MACF1: variants seen among roughly 807,000 people sequenced by gnomAD.
MACF1 encodes microtubule-actin cross-linking factor 1.
A neutral mutation model predicts 854.8 loss-of-function variants in MACF1; 193 were observed. The ratio of observed to expected loss-of-function variants is 0.23; its 90% CI spans 0.20 to 0.25. The LOEUF is 0.25. MACF1 is among the 10% of genes least tolerant of loss of function. The pLI is 1.00. For missense variants in MACF1, 7,722 were observed against 8,929.1 expected (o/e 0.86, Z 5.45); for synonymous variants, 3,185 against 3,226.7 (o/e 0.99, Z 0.44).
chr1:39,113,454 C>T (rs1209792447), intron 2 of MACF1, among the ~76,000 whole-genome samples: 1 of 152,170 alleles, frequency 6.6e-6, no homozygotes, highest in Non-Finnish European at 1.5e-5. Flanking sequence ...ATAAAAATCA[C>T]TATGGAAATT....
chr1:39,454,661 A>G (rs1186524788), intron 88 of MACF1, among the ~76,000 whole-genome samples: 1 of 152,088 alleles, frequency 6.6e-6, no homozygotes, highest in East Asian at 1.9e-4. Context: ...TTAGCTGGGT[A>G]TGGTGGCACA....
In MACF1 at chr1:39,319,669, A is replaced by G; in HGVS notation, c.3951A>G (p.Leu1317=). The G allele has an allele frequency of 2.5e-6, 4 of 1,612,914 alleles. No homozygotes were observed. Among genetic ancestry groups the G allele is most frequent in the Non-Finnish European group, 3.4e-6 (4 of 1,179,124 alleles). The part of the protein sequence containing the change: ...LSEQLSQQTA[L]FAEIERNQTK... ...TGTGATATTTTGCTTCCTAGGCCCT[A>G]TTTGCAGAAATTGAGAGAAATCAGA... The change falls in exon 31 of 101, where the codon CTA becomes CTG. Residue 1317 remains leucine, a synonymous_variant. Transcript: ENST00000564288.
chr1:39,414,612 C>A, intron 58 of MACF1: 1 of 1,346,648 alleles, frequency 7.4e-7, no homozygotes, highest in Non-Finnish European at 1.0e-6. Context: ...AGTTTGTAGT[C>A]TTTCTGTTCA....
rs1643571852 is a variant in MACF1 at position 39,422,290 on chromosome 1, T to A, written c.15817-84T>A. The A allele has an allele frequency of 1.0e-5, 11 of 1,049,938 alleles. No homozygotes were observed. In the South Asian group the frequency reaches 1.8e-4, roughly 17 times the overall value. The allele number at this position is 1,049,938 out of a possible 1,614,324, so 65.0% of individuals were successfully genotyped here. A position where few individuals can be genotyped will look rare whatever the true frequency, so the allele number is the denominator to read the frequency against. On this transcript the variant is annotated intron_variant, in intron 58 of 100. Transcript: ENST00000564288. The stretch of plus-strand genomic sequence containing the variant: ...TGGTCGTCTTTCATTAAGTCATAAA[T>A]GCCCCAAGAATAACCAGTCTCTGCG...
chr1:39,380,492 AT>A (rs1650082974), intron 55 of MACF1, 119 bp downstream of exon 55: 6 of 1,041,000 alleles, frequency 5.8e-6, no homozygotes, highest in Non-Finnish European at 8.1e-6. Flanking sequence ...TAAATAAGCA[AT>A]TAGGATCCAG....
In MACF1 at chr1:39,146,806, A is replaced by G. The variant is rs6680917; in HGVS notation, c.220+62368A>G. Among the ~76,000 whole-genome samples the G allele has an allele frequency of 9.2e-3, 1,405 of 152,326 alleles. 28 individuals are homozygous for G. The highest frequency in any genetic ancestry group is 0.032 in the African/African-American group (1,333 of 41,560). On this transcript the variant is annotated intron_variant, in intron 2 of 93. Coordinates refer to the MACF1 transcript ENST00000361689. The stretch of plus-strand genomic sequence containing the variant: ...GCTAGCACAACAAGGTGACTATAGT[A>G]AAAATAATTTAATTATTCATTTAAA...
intron 97 of MACF1, among the ~76,000 whole-genome samples, chr1:39,478,252 C>T (rs553622418): frequency 1.3e-5 from 2 of 152,252 alleles, no homozygotes; most frequent in East Asian, 1.9e-4. Context: ...ATCTACCTGC[C>T]TTGGCCTCCC....
chr1:39,099,659 T>C (rs1642017983), intron 2 of MACF1, among the ~76,000 whole-genome samples: 1 of 152,228 alleles, frequency 6.6e-6, no homozygotes. Flanking sequence ...AGTTGGATTC[T>C]CAATTGTCTT....
In MACF1 at chr1:39,335,617, A is replaced by T. The variant is rs752902071; in HGVS notation, c.9029A>T (p.Asp3010Val). 3 of 1,614,120 alleles carry T rather than the reference A, an allele frequency of 1.9e-6. No homozygotes were observed. The South Asian group carries it at 3.3e-5, about 18-fold the overall frequency. ...GAAACTGCCATTAGAGATGAGCATGACTCCCATATAAAGAGCCAACCTAGG... is the reference window on the plus strand; with the variant it reads ...GAAACTGCCATTAGAGATGAGCATGTCTCCCATATAAAGAGCCAACCTAGG... ...YQETAIRDEH[D>V]SHIKSQPREM... Residue 3010 changes from aspartate to valine, a missense_variant, in exon 37 of 101, where the codon GAC (aspartate) becomes GTC (valine). Asp to Val is a radical substitution (Grantham distance 152, BLOSUM62 -3). Transcript: ENST00000564288.
intron 2 of MACF1, among the ~76,000 whole-genome samples, chr1:39,088,432 C>A (rs1641730086): frequency 6.6e-6 from 1 of 152,206 alleles, no homozygotes; most frequent in Admixed American, 6.5e-5. Context: ...ACCTGGCAAC[C>A]AGCCCAGTCT....
chr1:39,291,197 G>A (rs1013721587), intron 15 of MACF1, among the ~76,000 whole-genome samples: 5 of 151,874 alleles, frequency 3.3e-5, no homozygotes, highest in Admixed American at 6.6e-5. Flanking sequence ...GGCTGGTCTC[G>A]AACTCCTGAC....
At chr1:39,384,536 C>T (rs1208168420) in intron 56 of MACF1, among the ~76,000 whole-genome samples, 1 of 152,088 alleles carries the variant, frequency 6.6e-6, no homozygotes, top group Non-Finnish European at 1.5e-5. Flanking sequence ...AGGATTTGAA[C>T]ACAGGCAGTC....
chr1:39,358,868 A>G lies in MACF1; in HGVS notation c.12115A>G (p.Thr4039Ala), dbSNP rs755091192. The G allele has an allele frequency of 3.7e-6, 6 of 1,607,958 alleles. No individual in the cohort carries two copies. In the Admixed American group the frequency reaches 8.7e-5, roughly 23 times the overall value. The change falls in exon 46 of 101, where the codon ACA becomes GCA. Residue 4039 changes from threonine to alanine, a missense_variant. Thr to Ala is a moderately conservative substitution (Grantham distance 58, BLOSUM62 0). Transcript: ENST00000564288. ...AGTTCTCCAGGAGCAGCTTGCAACA[A>G]CAAAGGTAAGTCAGGACACAGGCTG... ...PGVLQEQLAT[T>A]KQLQEELAEH...
At chr1:39,259,288 T>C (rs1645130305) in intron 6 of MACF1, among the ~76,000 whole-genome samples, 6 of 152,234 alleles carry the variant, frequency 3.9e-5, no homozygotes. Flanking sequence ...ATTTCCTTTT[T>C]TTTTGACCGA....
Position 39,442,803 on chromosome 1 carries a change from T to C in MACF1, c.19194T>C (p.Asp6398=), listed in dbSNP as rs1351289385. ...GNELLESSAG[D]DASSLRSRLE... ...AGCTTCTTGAATCCAGTGCTGGAGA[T>C]GATGCCAGCAGCTTAAGGAGCCGTT... The change falls in exon 78 of 101, where the codon GAT becomes GAC. Residue 6398 remains aspartate, a synonymous_variant. Coordinates refer to ENST00000564288, the MANE Select transcript of MACF1 (RefSeq NM_001394062.1). 2.3e-5 allele frequency: 37 copies of C among 1,614,022 alleles called. No individual in the cohort carries two copies. Among genetic ancestry groups the C allele is most frequent in the Non-Finnish European group, 3.1e-5 (37 of 1,180,026 alleles).
Position 39,256,049 on chromosome 1 carries a change from G to A in MACF1, c.435+1674G>A, listed in dbSNP as rs143656828. Among the ~76,000 whole-genome samples the A allele has an allele frequency of 6.2e-4, 95 of 152,288 alleles. 1 individual carries two copies. In the East Asian group the frequency reaches 0.018, roughly 28 times the overall value. ...GCAGATGGCCAAGGTAGGGAAAAAC[G>A]AAAGTCATCAGAATTCAAAAGGCAG... On this transcript the variant is annotated intron_variant, in intron 5 of 100. Coordinates refer to ENST00000564288, the MANE Select transcript of MACF1 (RefSeq NM_001394062.1).
chr1:39,105,517 C>G lies in MACF1; in HGVS notation c.220+21079C>G. ...CGGCGGAGAGCGAGGGCGCCGTCGC[C>G]GTCTCTGAGACGCACAAAGGGTCGA... On this transcript the variant is annotated intron_variant, in intron 2 of 93. Coordinates refer to the MACF1 transcript ENST00000361689. This position sits in a 1 kb window ranked among gnomAD's most constrained non-coding sequence, Gnocchi z 5.9. The G allele has an allele frequency of 9.8e-7, 1 of 1,016,156 alleles. No homozygotes were observed. Among genetic ancestry groups the G allele is most frequent in the Non-Finnish European group, 1.2e-6 (1 of 850,816 alleles). The allele number at this position is 1,016,156 out of a possible 1,614,324, so 62.9% of individuals were successfully genotyped here.
At chr1:39,389,656 A>G (rs566104189) in intron 58 of MACF1, among the ~76,000 whole-genome samples, 2 of 152,240 alleles carry the variant, frequency 1.3e-5, no homozygotes, top group South Asian at 2.1e-4. Flanking sequence ...CACCGCACTC[A>G]GCCCCCTGTT....
In MACF1 at chr1:39,108,385, C is replaced by T. The variant is rs75854661; in HGVS notation, c.220+23947C>T. Reference sequence around the variant, plus strand: ...CCATCTAGTAAGGGAAAGATACTTGCAAACAAGTAGTTGTCATACTGTGAT... The same window carrying T: ...CCATCTAGTAAGGGAAAGATACTTGTAAACAAGTAGTTGTCATACTGTGAT... On this transcript the variant is annotated intron_variant, in intron 2 of 93. Coordinates refer to the MACF1 transcript ENST00000361689. Among the ~76,000 whole-genome samples, 75 of 151,812 alleles carry T rather than the reference C, an allele frequency of 4.9e-4. 2 individuals are homozygous for T. In the East Asian group the frequency reaches 0.013, roughly 26 times the overall value.
Sources: allele counts gnomAD v4.1 joint callset (sites outside exome capture counted in the v4.1 genomes callset), GRCh38; gene constraint gnomAD v4.1.1; non-coding constraint Gnocchi (gnomAD v3.1); transcripts MANE v1.5; gene names NCBI Gene and HGNC (gene_info 2026-07-23, HGNC 2026-07-21).